CDC42BPG: variants seen among roughly 807,000 people sequenced by gnomAD.
CDC42BPG encodes the protein serine/threonine-protein kinase MRCK gamma.
CDC42BPG carries 157 observed loss-of-function variants against 192.2 expected under a neutral mutation model. The ratio of observed to expected loss-of-function variants is 0.82; its 90% CI spans 0.72 to 0.93. CDC42BPG has a LOEUF of 0.93. Ranked by LOEUF, CDC42BPG falls within the 40% of genes least tolerant of loss-of-function variation. The pLI is 0.00. For missense variants in CDC42BPG, 1,992 were observed against 2,122.1 expected, an observed-to-expected ratio of 0.94 and a Z score of 1.20; for synonymous variants, 981 against 918.5, an observed-to-expected ratio of 1.07 and a Z score of -1.23.
chr11:64,834,782 G>C, intron 18 of CDC42BPG, 67 bp downstream of exon 18: 1 of 1,472,818 alleles, frequency 6.8e-7, no homozygotes, highest in Non-Finnish European at 9.3e-7. Context: ...CAGTAGCAGG[G>C]ATGCTGAGCT....
chr11:64,844,547 A>G lies in CDC42BPG; in HGVS notation c.23T>C (p.Leu8Pro). Residue 8 changes from leucine to proline, a missense_variant, in exon 1 of 37, where the codon CTG becomes CCG. Leu to Pro is a moderately conservative substitution (Grantham distance 98, BLOSUM62 -3). Transcript: ENST00000342711. MERRLRA[L>P]EQLARGEAGG... Reference sequence around the variant, plus strand: ...GGCCTCGCCCCGCGCCAGCTGCTCCAGCGCGCGCAGCCGCCGCTCCATGGC... The same window carrying G: ...GGCCTCGCCCCGCGCCAGCTGCTCCGGCGCGCGCAGCCGCCGCTCCATGGC... The G allele has an allele frequency of 7.8e-7, 1 of 1,289,062 alleles. No individual in the cohort carries two copies. The highest frequency in any genetic ancestry group is 1.6e-5 in the African/African-American group (1 of 64,188). The allele number at this position is 1,289,062 out of a possible 1,614,324, so 79.9% of individuals were successfully genotyped here.
At chr11:64,825,445 C>T (rs553472553) in intron 36 of CDC42BPG, among the ~76,000 whole-genome samples, 9 of 152,208 alleles carry the variant, frequency 5.9e-5, no homozygotes, top group South Asian at 4.2e-4. Context: ...CCTGACCAAG[C>T]GGCCAGGAAG....
In CDC42BPG at chr11:64,838,795, C is replaced by T; in HGVS notation, c.984G>A (p.Leu328=). The T allele has an allele frequency of 6.2e-7, 1 of 1,612,854 alleles. No individual in the cohort carries two copies. The highest frequency in any genetic ancestry group is 8.5e-7 in the Non-Finnish European group (1 of 1,180,026). Residue 328 remains leucine, a synonymous_variant, in exon 8 of 37, where the codon CTG becomes CTA. Coordinates refer to ENST00000342711, the MANE Select transcript of CDC42BPG (RefSeq NM_017525.3). The part of the protein sequence containing the change: ...RQEERLGRGG[L]DDFRNHPFFE... ...AGAAAGGATGGTTCCGGAAGTCATC[C>T]AGCCCACCACGGCCTAGCCGCTCTT...
At position 64,832,852 on chromosome 11, in the gene CDC42BPG, C is replaced by T; in HGVS notation, c.2839G>A (p.Gly947Ser). 6.3e-7 allele frequency: 1 copy of T among 1,577,180 alleles called. No homozygotes were observed. The highest frequency in any genetic ancestry group is 8.6e-7 in the Non-Finnish European group (1 of 1,161,652). ...GACAGAAAGCCCTCATAGGCAGTGC[C>T]TGTGCCTGTTTCGGGGTGTACTCCC... ...ALGVHPETGT[G>S]TAYEGFLSVP... is the part of the protein sequence containing the mutation. The change falls in exon 25 of 37, where the codon GGC (glycine) becomes AGC (serine). Residue 947 changes from glycine (G) to serine (S), a missense_variant. Physicochemically the swap from Gly to Ser is moderately conservative, Grantham distance 56 (BLOSUM62 0). This residue lies in a region of CDC42BPG where 1,656 missense variants were observed against 1,844.3 expected (regional missense o/e 0.90). Transcript: ENST00000342711.
In CDC42BPG at chr11:64,837,003, T is replaced by G; in HGVS notation, c.1222A>C (p.Ser408Arg). 6.2e-7 allele frequency: 1 copy of G among 1,613,388 alleles called. No homozygotes were observed. Among genetic ancestry groups the G allele is most frequent in the South Asian group, 1.1e-5 (1 of 91,082 alleles). Residue 408 changes from serine (S) to arginine (R), a missense_variant, in exon 10 of 37, where the codon AGC becomes CGC. Coordinates refer to ENST00000342711, the MANE Select transcript of CDC42BPG (RefSeq NM_017525.3). ...TCCAGGGCAGCCCAAGCCTCAGAGC[T>G]GCTCTCAGGACTGTGACTGTAGGGG... ...YTSGSHSPES[S>R]SEAWAALERK...
chr11:64,840,413 C>T (rs1190929667), intron 4 of CDC42BPG, 140 bp downstream of exon 4: 28 of 1,393,102 alleles, frequency 2.0e-5, no homozygotes, highest in South Asian at 4.0e-5. Context: ...AGGCAGGAGG[C>T]GCCAAGCCCA....
rs189723328 is a variant in CDC42BPG at position 64,833,460 on chromosome 11, C to T, written c.2626-124G>A. On this transcript the variant is annotated intron_variant, in intron 23 of 36. Coordinates refer to ENST00000342711, the MANE Select transcript of CDC42BPG (RefSeq NM_017525.3). ...CCTCCGAGTCCCAGCCAATCTATGG[C>T]GGCAGGCAAGCTCATCGCCACCACC... 82 of 980,250 alleles carry T rather than the reference C, an allele frequency of 8.4e-5. No individual in the cohort carries two copies. The Admixed American group carries it at 1.0e-3, about 12-fold the overall frequency. 60.7% of individuals were successfully genotyped at this position (980,250 alleles called of 1,614,324 possible).
At position 64,836,814 on chromosome 11, in the gene CDC42BPG, G is replaced by C. The variant is rs757055478; in HGVS notation, c.1309C>G (p.Leu437Val). The change falls in exon 11 of 37, where the codon CTG becomes GTG. Residue 437 changes from leucine (L) to valine (V), a missense_variant. Leu to Val is a conservative substitution (Grantham distance 32). This residue lies in a region of CDC42BPG where 1,656 missense variants were observed against 1,844.3 expected (regional missense o/e 0.90). Coordinates refer to ENST00000342711, the MANE Select transcript of CDC42BPG (RefSeq NM_017525.3). Reference sequence around the variant, plus strand: ...TCCCGATGGTCTGTGGGGGCGTGCAGGGCCTCTGGAGGGGAGGTGGTACCC... The same window carrying C: ...TCCCGATGGTCTGTGGGGGCGTGCACGGCCTCTGGAGGGGAGGTGGTACCC... Reference protein sequence around the residue: ...VELSRKHQEALHAPTDHRELE... With the variant: ...VELSRKHQEAVHAPTDHRELE... 1 of 1,608,490 alleles carries C rather than the reference G, an allele frequency of 6.2e-7. No homozygotes were observed. Among genetic ancestry groups the C allele is most frequent in the South Asian group, 1.1e-5 (1 of 90,636 alleles).
In CDC42BPG at chr11:64,829,601, T is replaced by G; in HGVS notation, c.3837A>C (p.Ala1279=). The change falls in exon 30 of 37, where the codon GCA becomes GCC. Residue 1279 remains alanine, a synonymous_variant. Coordinates refer to ENST00000342711, the MANE Select transcript of CDC42BPG (RefSeq NM_017525.3). ...LPPSRGGLGE[A]LGAVELSLSE... Reference sequence around the variant, plus strand: ...TGAGGCTAAGCTCCACGGCACCCAGTGCCTCACCCAGGCCCCCGCGGGATG... The same window carrying G: ...TGAGGCTAAGCTCCACGGCACCCAGGGCCTCACCCAGGCCCCCGCGGGATG... 1 of 1,612,210 alleles carries G rather than the reference T, an allele frequency of 6.2e-7. No individual in the cohort carries two copies. Among genetic ancestry groups the G allele is most frequent in the Middle Eastern group, 1.7e-4 (1 of 6,060 alleles).
At position 64,824,500 on chromosome 11, in the gene CDC42BPG, T is replaced by C. The variant is rs10792447; in HGVS notation, c.4629A>G (p.Leu1543=). ...AAGGAGAGCTCTCCAATTCAGGGGA[T>C]AGGGGGAGGCTTCGGGGCCGTTCTG... ...QVSERPRSLP[L]SPELESSP The change falls in exon 37 of 37, where the codon CTA becomes CTG. Residue 1543 remains leucine (L), a synonymous_variant. Transcript: ENST00000342711. 963,676 of 1,603,286 alleles carry C rather than the reference T, an allele frequency of 0.6. 303,047 individuals are homozygous for C. Among genetic ancestry groups the C allele is most frequent in the Non-Finnish European group, 0.65 (764,896 of 1,170,240 alleles).
chr11:64,827,592 T>C lies in CDC42BPG; in HGVS notation c.4085A>G (p.Glu1362Gly), dbSNP rs1942493769. 6.2e-7 allele frequency: 1 copy of C among 1,611,530 alleles called. No homozygotes were observed. The highest frequency in any genetic ancestry group is 1.3e-5 in the African/African-American group (1 of 74,810). The change falls in exon 32 of 37, where the codon GAG becomes GGG. Residue 1362 changes from glutamate (E) to glycine (G), a missense_variant. Physicochemically the swap from Glu to Gly is moderately conservative, Grantham distance 98. This residue lies in a region of CDC42BPG where 336 missense variants were observed against 277.9 expected (regional missense o/e 1.21). Coordinates refer to ENST00000342711, the MANE Select transcript of CDC42BPG (RefSeq NM_017525.3). ...PLKKVRPLNP[E>G]GSLFLYGTEK... The stretch of plus-strand genomic sequence containing the variant: ...GGTGCCGTAGAGGAACAGGGAGCCC[T>C]CTGGATTGAGGGGCCGCACCTGAGG...
rs1942346501 is a variant in CDC42BPG, at chr11:64,824,530, C to G, written c.4600-1G>C. 2 of 1,603,702 alleles carry G rather than the reference C, an allele frequency of 1.2e-6. No individual in the cohort carries two copies. Among genetic ancestry groups the G allele is most frequent in the Non-Finnish European group, 1.7e-6 (2 of 1,171,212 alleles). ...GGAGGCTTCGGGGCCGTTCTGAGAC[C>G]TGCAGGAGAAAGAAAAGGAAGTCAA... is the stretch of plus-strand genomic sequence containing the variant. On this transcript the variant is annotated splice_acceptor_variant, in intron 36 of 36. Transcript: ENST00000342711. LOFTEE classifies it high-confidence loss of function.
At position 64,826,728 on chromosome 11, in the gene CDC42BPG, C is replaced by T. The variant is rs1942437994; in HGVS notation, c.4456G>A (p.Ala1486Thr). The stretch of plus-strand genomic sequence containing the variant: ...CCCATGGAGGCTGGGCGCCGCAACG[C>T]CTCGGAGAAGCTGTGGGGCCGCTGT... ...GPQRPHSFSEALRRPASMGSE... is the reference protein window; with the variant it reads ...GPQRPHSFSETLRRPASMGSE... Residue 1486 changes from alanine (A) to threonine (T), a missense_variant, in exon 35 of 37, where the codon GCG (alanine) becomes ACG (threonine). By Grantham distance (58) the Ala-to-Thr change is moderately conservative. Around this residue, in one of 2 missense-constraint regions of CDC42BPG, gnomAD observed 336 missense variants for 277.9 expected, o/e 1.21. Coordinates refer to ENST00000342711, the MANE Select transcript of CDC42BPG (RefSeq NM_017525.3). The T allele has an allele frequency of 3.9e-6, 6 of 1,549,330 alleles. No individual in the cohort carries two copies. The highest frequency in any genetic ancestry group is 1.4e-5 in the African/African-American group (1 of 73,584).
chr11:64,835,673 C>A, intron 14 of CDC42BPG, 52 bp from the exon 15 acceptor site: 1 of 1,587,580 alleles, frequency 6.3e-7, no homozygotes, highest in Non-Finnish European at 8.6e-7. Context: ...CATGGCCCAC[C>A]CACCTGGGAC....
At chr11:64,841,540 G>A (rs1402525172) in intron 3 of CDC42BPG, 110 bp downstream of exon 3, 2 of 820,370 alleles carry the variant, frequency 2.4e-6, no homozygotes, top group Non-Finnish European at 4.1e-6. Flanking sequence ...GGCACCCTTT[G>A]CCTGGTCTGC....
chr11:64,838,508 G>T, intron 8 of CDC42BPG, 146 bp downstream of exon 8: 1 of 1,132,010 alleles, frequency 8.8e-7, no homozygotes, highest in South Asian at 1.5e-5. Context: ...TGGCTGGAAC[G>T]GGTCAGTCTG....
chr11:64,839,377 G>T (rs151181857), intron 6 of CDC42BPG, 101 bp downstream of exon 6: 6 of 1,483,416 alleles, frequency 4.0e-6, no homozygotes, highest in African/African-American at 2.8e-5. Flanking sequence ...CACCTTCCCC[G>T]GGGGGCCTGA....
Position 64,826,743 on chromosome 11 carries a change from GGGGCCGCTGT to G in CDC42BPG, c.4431_4440del (p.Gln1478ThrfsTer25). The G allele has an allele frequency of 6.5e-7, 1 of 1,545,128 alleles. No homozygotes were observed. The highest frequency in any genetic ancestry group is 8.7e-7 in the Non-Finnish European group (1 of 1,146,680). On this transcript the variant is annotated frameshift_variant, in exon 35 of 37. Coordinates refer to ENST00000342711, the MANE Select transcript of CDC42BPG (RefSeq NM_017525.3). LOFTEE classifies it high-confidence loss of function. Reference sequence around the variant, plus strand: ...CGCCGCAACGCCTCGGAGAAGCTGTGGGGCCGCTGTGGGCCGGAGCCGCGGGCAACTCGGC... The same window carrying G: ...CGCCGCAACGCCTCGGAGAAGCTGTGGGGCCGGAGCCGCGGGCAACTCGGC...
In CDC42BPG at chr11:64,834,445, G is replaced by A. The variant is rs1304375538; in HGVS notation, c.2308C>T (p.Gln770Ter). 1 of 1,567,998 alleles carries A rather than the reference G, an allele frequency of 6.4e-7. No individual in the cohort carries two copies. Among genetic ancestry groups the A allele is most frequent in the South Asian group, 1.2e-5 (1 of 86,454 alleles). The change falls in exon 19 of 37, where the codon CAG becomes TAG. Residue 770 changes from glutamine (Q) to a stop codon, truncating the protein, a stop_gained. Coordinates refer to ENST00000342711, the MANE Select transcript of CDC42BPG (RefSeq NM_017525.3). LOFTEE classifies it high-confidence loss of function. ...QERLTQVQEA[Q>*]LQAERRLQEA... is the part of the protein sequence containing the mutation. Reference sequence around the variant, plus strand: ...TAGCCTCACCGCTCAGCCTGCAGCTGGGCCTCCTGCACCTGTGTCAGCCGC... The same window carrying A: ...TAGCCTCACCGCTCAGCCTGCAGCTAGGCCTCCTGCACCTGTGTCAGCCGC...
Sources: allele counts gnomAD v4.1 joint callset (sites outside exome capture counted in the v4.1 genomes callset), GRCh38; gene constraint gnomAD v4.1.1; regional missense constraint gnomAD v4.1.1; transcripts MANE v1.5; gene names NCBI Gene and HGNC (gene_info 2026-07-23, HGNC 2026-07-21).